Variants in PCDHA2 observed in about 807,000 individuals in gnomAD.
The protein encoded by PCDHA2 is protocadherin alpha-2.
PCDHA2 carries 58 observed loss-of-function variants against 66.0 expected under a neutral mutation model. The observed-to-expected ratio is 0.88, with a 90% confidence interval of 0.71 to 1.09. PCDHA2 has a LOEUF of 1.09. PCDHA2 is among the 50% of genes least tolerant of loss of function. The pLI is 0.00. For missense variants in PCDHA2, 1,267 were observed against 1,242.3 expected (o/e 1.02, Z -0.30); for synonymous variants, 634 against 554.0 (o/e 1.14, Z -2.03).
At chr5:140,890,781 A>G (rs2153431855) in intron 1 of PCDHA2, among the ~76,000 whole-genome samples, 1 of 152,280 alleles carries the variant, frequency 6.6e-6, no homozygotes, top group African/African-American at 2.4e-5. Context: ...ACCCCATAAG[A>G]TATTAGTATT....
intron 1 of PCDHA2, among the ~76,000 whole-genome samples, chr5:140,895,037 C>G (rs28619398): frequency 6.6e-6 from 1 of 152,134 alleles, no homozygotes; most frequent in Non-Finnish European, 1.5e-5. Context: ...TTGTCCCCCA[C>G]CCACACCATT....
chr5:140,883,503 C>T (rs782604086), intron 1 of PCDHA2: 7 of 1,614,204 alleles, frequency 4.3e-6, no homozygotes, highest in Non-Finnish European at 5.9e-6. Flanking sequence ...CTGGACAGCG[C>T]CCTGGACCGC....
chr5:140,872,816 T>C (rs1204141018), intron 1 of PCDHA2, among the ~76,000 whole-genome samples: 2 of 152,190 alleles, frequency 1.3e-5, no homozygotes, highest in African/African-American at 4.8e-5. Context: ...GTTTTTCAGA[T>C]TCATCTAGCA....
In PCDHA2 at chr5:140,829,909, G is replaced by C. The variant is rs1299883375; in HGVS notation, c.2388+32557G>C. On this transcript the variant is annotated intron_variant, in intron 1 of 3. Transcript: ENST00000526136. ...ACGCCGACTCAGGCTACAACGCGTG[G>C]CTTTCGTATGAGCTGCAGCCCCCGG... 1.9e-6 allele frequency: 3 copies of C among 1,613,992 alleles called. No homozygotes were observed. Among genetic ancestry groups the C allele is most frequent in the Non-Finnish European group, 2.5e-6 (3 of 1,179,904 alleles).
At chr5:140,858,375 C>T (rs1252920038) in intron 1 of PCDHA2, 4 of 1,587,834 alleles carry the variant, frequency 2.5e-6, no homozygotes, top group Non-Finnish European at 3.4e-6. Flanking sequence ...AGCCTTCCAC[C>T]ATGCCCAATG....
In PCDHA2 at chr5:140,856,896, T is replaced by C. The variant is rs2044262669; in HGVS notation, c.2388+59544T>C. 1.3e-6 allele frequency: 2 copies of C among 1,596,700 alleles called. No homozygotes were observed. Among genetic ancestry groups the C allele is most frequent in the African/African-American group, 1.3e-5 (1 of 74,376 alleles). ...GAAATGATGTATTCATTTAGCTCTT[T>C]GGTCCCACCCACGATAAGAAGGAAA... is the stretch of plus-strand genomic sequence containing the variant. On this transcript the variant is annotated intron_variant, in intron 1 of 3. Transcript: ENST00000526136.
chr5:140,911,626 T>C (rs1436086231), intron 1 of PCDHA2, among the ~76,000 whole-genome samples: 5 of 152,180 alleles, frequency 3.3e-5, no homozygotes, highest in African/African-American at 1.2e-4. Context: ...TCCCCACATA[T>C]GGTCAAAGGT....
chr5:140,836,599 T>G (rs1166723338), intron 1 of PCDHA2: 13 of 1,613,608 alleles, frequency 8.1e-6, no homozygotes, highest in Non-Finnish European at 1.1e-5. Context: ...AAGCCCACTC[T>G]GGTGTGCTCC....
chr5:140,916,957 T>C (rs1478651535), intron 1 of PCDHA2, among the ~76,000 whole-genome samples: 1 of 152,224 alleles, frequency 6.6e-6, no homozygotes, highest in African/African-American at 2.4e-5. Context: ...TGCTGAGTTC[T>C]GACTGCTGGG....
At chr5:140,969,847 A>G (rs2096364168) in intron 1 of PCDHA2, among the ~76,000 whole-genome samples, 1 of 152,150 alleles carries the variant, frequency 6.6e-6, no homozygotes. Flanking sequence ...TATCTAGTTA[A>G]TATTTCTGGT....
At chr5:140,882,367 C>G in intron 1 of PCDHA2, 22 of 1,614,228 alleles carry the variant, frequency 1.4e-5, no homozygotes, top group Non-Finnish European at 1.7e-5. Flanking sequence ...AGCTCCACTA[C>G]TCCGTCCCCG....
chr5:140,829,126 T>C (rs1770118219), intron 1 of PCDHA2: 2 of 1,612,444 alleles, frequency 1.2e-6, no homozygotes, highest in African/African-American at 1.3e-5. Flanking sequence ...ATAAAAATGA[T>C]AACGTCCCTG....
At chr5:140,899,250 G>A (rs1232558400) in intron 1 of PCDHA2, among the ~76,000 whole-genome samples, 1 of 152,118 alleles carries the variant, frequency 6.6e-6, no homozygotes, top group African/African-American at 2.4e-5. Flanking sequence ...GGTGAGAGAG[G>A]GCATCCCTGT....
chr5:140,928,409 C>A (rs782636217), intron 1 of PCDHA2: 2 of 1,613,912 alleles, frequency 1.2e-6, no homozygotes, highest in Non-Finnish European at 8.5e-7. Context: ...TCCAGTGGGG[C>A]CATCACTGCC....
chr5:140,918,406 G>A (rs1382905411), intron 1 of PCDHA2, among the ~76,000 whole-genome samples: 2 of 152,076 alleles, frequency 1.3e-5, no homozygotes, highest in Non-Finnish European at 2.9e-5. Context: ...GATTTCTCTG[G>A]CCAGGACTTC....
chr5:141,009,716 C>A lies in PCDHA2; in HGVS notation c.2626C>A (p.Gln876Lys). Residue 876 changes from glutamine (Q) to lysine (K), a missense_variant, in exon 4 of 4, where the codon CAA becomes AAA. Transcript: ENST00000526136. ...TFKYGPGNPK[Q>K]SGPGELPDKF... is the part of the protein sequence containing the mutation. ...TAAATACGGACCAGGCAACCCCAAACAATCCGGTCCCGGTGAGTTGCCCGA... is the reference window on the plus strand; with the variant it reads ...TAAATACGGACCAGGCAACCCCAAAAAATCCGGTCCCGGTGAGTTGCCCGA... 3 of 1,614,168 alleles carry A rather than the reference C, an allele frequency of 1.9e-6. No homozygotes were observed. The highest frequency in any genetic ancestry group is 2.5e-6 in the Non-Finnish European group (3 of 1,180,034).
intron 1 of PCDHA2, chr5:140,969,073 G>T (rs781937942): frequency 2.5e-6 from 4 of 1,614,092 alleles, no homozygotes; most frequent in South Asian, 2.2e-5. Flanking sequence ...CCAGGATACC[G>T]CATGGCCTCA....
intron 1 of PCDHA2, chr5:140,825,492 G>C (rs1768599231): frequency 6.7e-6 from 1 of 150,372 alleles, no homozygotes; most frequent in Admixed American, 6.6e-5. Flanking sequence ...GCCCAAACGA[G>C]TGCAATGGTA....
intron 1 of PCDHA2, chr5:140,801,305 T>G (rs1249358630): frequency 2.5e-6 from 4 of 1,613,332 alleles, no homozygotes; most frequent in Non-Finnish European, 2.5e-6. Flanking sequence ...ACTCCGTCTC[T>G]GAGGAGGCCA....
Sources: allele counts gnomAD v4.1 joint callset (sites outside exome capture counted in the v4.1 genomes callset), GRCh38; gene constraint gnomAD v4.1.1; transcripts MANE v1.5; gene names NCBI Gene and HGNC (gene_info 2026-07-23, HGNC 2026-07-21).